The following LRMDA variants were observed in gnomAD, a reference collection of about 807,000 sequenced individuals.
LRMDA encodes leucine-rich melanocyte differentiation-associated protein.
LRMDA carries 18 observed loss-of-function variants against 29.8 expected under a neutral mutation model. The observed-to-expected ratio is 0.60, with a 90% CI of 0.42 to 0.90. LRMDA has a LOEUF of 0.90. LRMDA is among the 40% of genes least tolerant of loss of function. The probability of loss-of-function intolerance (pLI) is 0.00; values close to 1 mark genes in which losing one functional copy is unlikely to be tolerated. For missense variants in LRMDA, 273 were observed against 273.9 expected (o/e 1.00, Z 0.02); for synonymous variants, 125 against 109.4 (o/e 1.14, Z -0.89).
rs145012875 is a variant in LRMDA at position 76,239,940 on chromosome 10, A to C, written c.517-84461A>C. 2.1e-3 allele frequency among the ~76,000 whole-genome samples: 324 copies of C among 152,080 alleles called. 1 individual carries two copies. The highest frequency in any genetic ancestry group is 7.0e-3 in the African/African-American group (292 of 41,478). On this transcript the variant is annotated intron_variant, in intron 5 of 6. Coordinates refer to ENST00000611255, the MANE Select transcript of LRMDA (RefSeq NM_001305581.2). Reference sequence around the variant, plus strand: ...ATACTTATATATAATGTATATATACATACACAAGCATATGTCGAATTATTA... The same window carrying C: ...ATACTTATATATAATGTATATATACCTACACAAGCATATGTCGAATTATTA...
intron 2 of LRMDA, among the ~76,000 whole-genome samples, chr10:75,633,766 G>A (rs1325976216): frequency 6.6e-6 from 1 of 151,948 alleles, no homozygotes; most frequent in Non-Finnish European, 1.5e-5. Flanking sequence ...AGTTGATGAT[G>A]GATCCAGTTG....
In LRMDA at chr10:76,356,058, A is replaced by C. The variant is rs569287624; in HGVS notation, c.601+31573A>C. On this transcript the variant is annotated intron_variant, in intron 6 of 6. Transcript: ENST00000611255. ...TACACCCAGATATATTGGATAACTC[A>C]CTAAAATCTAGAATTGATCTGTATT... Among the ~76,000 whole-genome samples the C allele has an allele frequency of 3.9e-5, 6 of 152,320 alleles. No individual in the cohort carries two copies. The South Asian group carries it at 1.2e-3, about 32-fold the overall frequency.
chr10:75,437,380 G>T (rs1190106432), intron 1 of LRMDA, among the ~76,000 whole-genome samples: 6 of 152,196 alleles, frequency 3.9e-5, no homozygotes, highest in Admixed American at 2.6e-4. Context: ...GGAAGAATGT[G>T]ATTTGTAGGG....
At chr10:76,232,682 G>C (rs570178958) in intron 5 of LRMDA, among the ~76,000 whole-genome samples, 1 of 152,168 alleles carries the variant, frequency 6.6e-6, no homozygotes. Context: ...CTTACACACT[G>C]GTTCCCGAGT....
chr10:76,037,750 T>C (rs1487163688), intron 3 of LRMDA, among the ~76,000 whole-genome samples: 2 of 152,232 alleles, frequency 1.3e-5, no homozygotes, highest in Non-Finnish European at 2.9e-5. Flanking sequence ...GATCTACCCT[T>C]ATGACCTAAT....
intron 2 of LRMDA, among the ~76,000 whole-genome samples, chr10:75,684,466 A>G (rs1412102970): frequency 1.3e-5 from 2 of 152,230 alleles, no homozygotes; most frequent in Admixed American, 6.5e-5. Flanking sequence ...GACTAGTGGT[A>G]AGAAAATTCT....
At chr10:76,089,263 G>C (rs1849189706) in intron 5 of LRMDA, among the ~76,000 whole-genome samples, 1 of 152,182 alleles carries the variant, frequency 6.6e-6, no homozygotes, top group South Asian at 2.1e-4. Context: ...GCTGGGGTCT[G>C]AATCCAGGGC....
At chr10:76,511,360 C>T (rs1415963839) in intron 6 of LRMDA, among the ~76,000 whole-genome samples, 1 of 151,116 alleles carries the variant, frequency 6.6e-6, no homozygotes. Flanking sequence ...GAAAGGAGGG[C>T]CTGGGATTTT....
rs60152985 is a variant in LRMDA at position 76,545,181 on chromosome 10, G to T, written c.602-12028G>T. 3.9e-4 allele frequency among the ~76,000 whole-genome samples: 55 copies of T among 140,522 alleles called. 1 individual carries two copies. The highest frequency in any genetic ancestry group is 7.4e-4 in the Non-Finnish European group (48 of 64,524). 92.2% of individuals were successfully genotyped at this position (140,522 alleles called of 152,430 possible). ...TTTCTTTTTTTTTGTTTTTTATTTT[G>T]TTTTTTTTTTTTTGTAGCTTGAAGA... On this transcript the variant is annotated intron_variant, in intron 6 of 6. Transcript: ENST00000611255.
In LRMDA at chr10:76,080,729, G is replaced by A. The variant is rs982114998; in HGVS notation, c.516+21946G>A. 8.5e-5 allele frequency among the ~76,000 whole-genome samples: 13 copies of A among 152,294 alleles called. No homozygotes were observed. In the East Asian group the frequency reaches 2.3e-3, roughly 27 times the overall value. ...TCAAAAGGCTTTATGGCTGTTATTAGCTACTGCAGTTGTGATTTACTAGCT... is the reference window on the plus strand; with the variant it reads ...TCAAAAGGCTTTATGGCTGTTATTAACTACTGCAGTTGTGATTTACTAGCT... On this transcript the variant is annotated intron_variant, in intron 5 of 6. Coordinates refer to ENST00000611255, the MANE Select transcript of LRMDA (RefSeq NM_001305581.2).
rs551699485 is a variant in LRMDA, at chr10:76,550,009, C to A, written c.602-7200C>A. ...TGGGACTTTGTAAAAATAAATGACT[C>A]TAAAAGAGATTTAGAAGATGTAATC... On this transcript the variant is annotated intron_variant, in intron 6 of 6. Coordinates refer to ENST00000611255, the MANE Select transcript of LRMDA (RefSeq NM_001305581.2). Among the ~76,000 whole-genome samples the A allele has an allele frequency of 2.0e-5, 3 of 152,198 alleles. No homozygotes were observed. The East Asian group carries it at 5.8e-4, about 29-fold the overall frequency.
intron 2 of LRMDA, among the ~76,000 whole-genome samples, chr10:75,837,793 A>AC (rs1266780864): frequency 1.3e-5 from 2 of 151,904 alleles, no homozygotes; most frequent in African/African-American, 4.8e-5. Flanking sequence ...CTTGGTGTGG[A>AC]CCATGGTTCT....
intron 6 of LRMDA, among the ~76,000 whole-genome samples, chr10:76,517,319 A>T (rs1843072059): frequency 6.6e-6 from 1 of 152,160 alleles, no homozygotes. Context: ...GAGCACCAAA[A>T]ACAAAGAGAA....
At chr10:76,554,887 G>A (rs893048111) in intron 6 of LRMDA, among the ~76,000 whole-genome samples, 3 of 132,114 alleles carry the variant, frequency 2.3e-5, no homozygotes, top group Non-Finnish European at 5.2e-5. Flanking sequence ...GTGTGTGTGT[G>A]TGTGTGTGTG....
At chr10:75,521,485 A>G (rs1258115923) in intron 2 of LRMDA, among the ~76,000 whole-genome samples, 1 of 152,230 alleles carries the variant, frequency 6.6e-6, no homozygotes, top group African/African-American at 2.4e-5. Context: ...AGCAGTGAGC[A>G]AGGCTCCGTG....
chr10:76,361,875 C>T (rs1441534531), intron 6 of LRMDA, among the ~76,000 whole-genome samples: 2 of 152,044 alleles, frequency 1.3e-5, no homozygotes, highest in Non-Finnish European at 2.9e-5. Context: ...ATAATGGTTC[C>T]TTGGTGTGCT....
chr10:75,981,328 T>C (rs1034428403), intron 2 of LRMDA, among the ~76,000 whole-genome samples: 1 of 152,194 alleles, frequency 6.6e-6, no homozygotes, highest in African/African-American at 2.4e-5. Flanking sequence ...CTCTGCCAGG[T>C]GCCATGCAGG....
intron 2 of LRMDA, among the ~76,000 whole-genome samples, chr10:75,626,284 G>A (rs1841248819): frequency 6.6e-6 from 1 of 152,158 alleles, no homozygotes; most frequent in Admixed American, 6.5e-5. Flanking sequence ...CTCATGGAAT[G>A]ACAGCCCGAC....
chr10:76,376,118 A>G (rs1239456061), intron 6 of LRMDA, among the ~76,000 whole-genome samples: 1 of 152,068 alleles, frequency 6.6e-6, no homozygotes, highest in African/African-American at 2.4e-5. Context: ...TATCATTCCC[A>G]ATAGGTAATT....
Sources: allele counts gnomAD v4.1 joint callset (sites outside exome capture counted in the v4.1 genomes callset), GRCh38; gene constraint gnomAD v4.1.1; transcripts MANE v1.5; gene names NCBI Gene and HGNC (gene_info 2026-07-23, HGNC 2026-07-21).